Variants in P2RY12 observed in about 807,000 individuals in gnomAD.
The protein encoded by P2RY12 is purinergic receptor P2Y12.
In P2RY12, 3 loss-of-function variants were observed where a neutral mutation model predicts 4.5. The observed-to-expected ratio is 0.67, with a 90% CI of 0.31 to 1.74. The LOEUF is 1.74. Among genes scored for constraint, P2RY12 ranks in the 40% most tolerant of loss-of-function variants. The pLI is 0.09. For missense variants in P2RY12, 356 were observed against 407.8 expected, an observed-to-expected ratio of 0.87 and a Z score of 1.09; for synonymous variants, 148 against 154.1, an observed-to-expected ratio of 0.96 and a Z score of 0.29.
At position 151,337,902 on chromosome 3, in the gene P2RY12, C is replaced by A. The variant is rs758959749; in HGVS notation, c.944G>T (p.Cys315Phe). 6.2e-7 allele frequency: 1 copy of A among 1,613,968 alleles called. No homozygotes were observed. Among genetic ancestry groups the A allele is most frequent in the Non-Finnish European group, 8.5e-7 (1 of 1,179,996 alleles). ...GGACAGAGATGTTGCAGAATTGGGGCACTTCAGCATACTTATCAAGGAATT... is the reference window on the plus strand; with the variant it reads ...GGACAGAGATGTTGCAGAATTGGGGAACTTCAGCATACTTATCAAGGAATT... ...FRNSLISMLK[C>F]PNSATSLSQD... The change falls in exon 3 of 3, where the codon TGC becomes TTC. Residue 315 changes from cysteine (C) to phenylalanine (F), a missense_variant. Cys to Phe is a radical substitution (Grantham distance 205). Coordinates refer to ENST00000302632, the MANE Select transcript of P2RY12 (RefSeq NM_022788.5).
chr3:151,368,006 A>C, intron 1 of P2RY12: 1 of 820,010 alleles, frequency 1.2e-6, no homozygotes, highest in Non-Finnish European at 1.9e-6. Flanking sequence ...AAGATTTCTC[A>C]GAAAAATAGC....
chr3:151,363,017 A>G (rs981457877), intron 1 of P2RY12, among the ~76,000 whole-genome samples: 3 of 152,040 alleles, frequency 2.0e-5, no homozygotes, highest in Admixed American at 1.3e-4. Flanking sequence ...AGACAGCCCC[A>G]GTAGCCTATT....
intron 1 of P2RY12, among the ~76,000 whole-genome samples, chr3:151,372,372 C>T (rs895163941): frequency 6.6e-6 from 1 of 152,142 alleles, no homozygotes; most frequent in African/African-American, 2.4e-5. Flanking sequence ...GCTTTTTCTC[C>T]ATTTCTGTTA....
chr3:151,363,686 C>T (rs1437095459), intron 1 of P2RY12, among the ~76,000 whole-genome samples: 1 of 152,114 alleles, frequency 6.6e-6, no homozygotes, highest in African/African-American at 2.4e-5. Flanking sequence ...TAGTAGATGA[C>T]TTTAGTCCTC....
At chr3:151,371,937 T>C (rs987465698) in intron 1 of P2RY12, among the ~76,000 whole-genome samples, 2 of 152,188 alleles carry the variant, frequency 1.3e-5, no homozygotes, top group Admixed American at 6.5e-5. Flanking sequence ...CTAAGTATAC[T>C]AAAGATTTAT....
intron 1 of P2RY12, among the ~76,000 whole-genome samples, chr3:151,368,590 AT>A (rs1755584605): frequency 1.7e-5 from 1 of 58,770 alleles, no homozygotes; most frequent in Admixed American, 1.7e-4. Flanking sequence ...ATGGTGATTT[AT>A]TTTATTTTAT....
chr3:151,351,183 C>T (rs913035158), intron 1 of P2RY12, among the ~76,000 whole-genome samples: 2 of 152,082 alleles, frequency 1.3e-5, no homozygotes, highest in African/African-American at 4.8e-5. Flanking sequence ...TAGAATTTGT[C>T]CACCCTAGAT....
At position 151,357,064 on chromosome 3, in the gene P2RY12, T is replaced by G. The variant is rs952320434; in HGVS notation, c.-179-16304A>C. 125 of 650,258 alleles carry G rather than the reference T, an allele frequency of 1.9e-4. 1 individual carries two copies. The highest frequency in any genetic ancestry group is 2.9e-4 in the Non-Finnish European group (115 of 395,516). 40.3% of individuals were successfully genotyped at this position (650,258 alleles called of 1,614,324 possible). On this transcript the variant is annotated intron_variant, in intron 1 of 2. Coordinates refer to ENST00000302632, the MANE Select transcript of P2RY12 (RefSeq NM_022788.5). Reference sequence around the variant, plus strand: ...TAGACAGAAGAACAACTCTATAAATTGGAAAAGGATTAAAAATTTTAAAAA... The same window carrying G: ...TAGACAGAAGAACAACTCTATAAATGGGAAAAGGATTAAAAATTTTAAAAA...
intron 1 of P2RY12, chr3:151,368,347 TA>T (rs1002843534): frequency 9.2e-7 from 1 of 1,088,666 alleles, no homozygotes; most frequent in African/African-American, 1.6e-5. Flanking sequence ...ATTGCCTTCT[TA>T]ATTTTTTGGG....
intron 1 of P2RY12, among the ~76,000 whole-genome samples, chr3:151,349,660 A>G (rs1752981565): frequency 6.6e-6 from 1 of 152,168 alleles, no homozygotes; most frequent in Non-Finnish European, 1.5e-5. Flanking sequence ...TACTATTGCT[A>G]TATATAAAAC....
chr3:151,374,540 T>A (rs1044161666), intron 1 of P2RY12, among the ~76,000 whole-genome samples: 16 of 147,306 alleles, frequency 1.1e-4, no homozygotes, highest in African/African-American at 3.9e-4. Context: ...AGAGCAAGAC[T>A]CTGTCTCAAA....
intron 1 of P2RY12, among the ~76,000 whole-genome samples, chr3:151,343,767 T>C (rs1409558150): frequency 6.6e-6 from 1 of 151,750 alleles, no homozygotes; most frequent in Non-Finnish European, 1.5e-5. Flanking sequence ...GGTTTGTTTA[T>C]TTTACCAAGT....
chr3:151,340,788 G>C (rs1751710357), intron 1 of P2RY12, 28 bp from the exon 2 acceptor site: 1 of 152,594 alleles, frequency 6.6e-6, no homozygotes, highest in Non-Finnish European at 1.5e-5. Context: ...GAGAGAAAAA[G>C]AGGGCTTCAC....
chr3:151,351,280 T>C (rs1560063416), intron 1 of P2RY12, among the ~76,000 whole-genome samples: 1 of 152,234 alleles, frequency 6.6e-6, no homozygotes, highest in Admixed American at 6.5e-5. Context: ...AGAAACATGG[T>C]ACAAGAGGCA....
intron 1 of P2RY12, among the ~76,000 whole-genome samples, chr3:151,342,446 C>G (rs920618707): frequency 2.6e-5 from 4 of 152,194 alleles, no homozygotes; most frequent in African/African-American, 9.7e-5. Context: ...TGCAGAGCAG[C>G]AGCTCTGCAT....
chr3:151,348,026 G>A lies in P2RY12; in HGVS notation c.-179-7266C>T, dbSNP rs76987902. Among the ~76,000 whole-genome samples the A allele has an allele frequency of 4.1e-3, 623 of 152,184 alleles. 6 individuals are homozygous for A. The highest frequency in any genetic ancestry group is 0.014 in the African/African-American group (597 of 41,544). On this transcript the variant is annotated intron_variant, in intron 1 of 2. Transcript: ENST00000302632. ...TGCTTTCCTTCACCACCCCTCTTTG[G>A]ACTTCTAGGTCTGTAAATACTACTT...
At chr3:151,354,014 G>A (rs34968121) in intron 1 of P2RY12, among the ~76,000 whole-genome samples, 65,469 of 148,006 alleles carry the variant, frequency 0.44, 15,285 homozygotes, top group East Asian at 0.63. Flanking sequence ...AGTGGCGGGC[G>A]CCTGTAGTCC....
At position 151,368,600 on chromosome 3, in the gene P2RY12, ATTTTATTTTATTT is replaced by A. The variant is rs1268599827; in HGVS notation, c.-180+16079_-180+16091del. ...GGGCAATGGTGATTTATTTTATTTT[ATTTTATTTTATTT>A]TATTTTATTTTATTTTATTTCATTT... On this transcript the variant is annotated intron_variant, in intron 1 of 2. Transcript: ENST00000302632. 8.6e-3 allele frequency among the ~76,000 whole-genome samples: 528 copies of A among 61,714 alleles called. 1 individual carries two copies. The highest frequency in any genetic ancestry group is 0.013 in the Non-Finnish European group (423 of 31,766). 40.5% of individuals were successfully genotyped at this position (61,714 alleles called of 152,430 possible). A position where few individuals can be genotyped will look rare whatever the true frequency, so the allele number is the denominator to read the frequency against.
chr3:151,359,873 G>C (rs1754393480), intron 1 of P2RY12, among the ~76,000 whole-genome samples: 3 of 152,038 alleles, frequency 2.0e-5, no homozygotes, highest in Admixed American at 1.3e-4. Flanking sequence ...GGACAAAGAG[G>C]CCTATAACTA....
Sources: gnomAD v4.1 joint callset for allele counts (sites outside exome capture counted in the v4.1 genomes callset) on GRCh38, gnomAD v4.1.1 for gene constraint, MANE v1.5 for transcripts, NCBI Gene and HGNC (gene_info 2026-07-23, HGNC 2026-07-21) for gene names.